The following LRP1B variants were observed in gnomAD, a reference collection of about 807,000 sequenced individuals.
The protein encoded by LRP1B is low-density lipoprotein receptor-related protein 1B.
In LRP1B, 217 loss-of-function variants were observed where a neutral mutation model predicts 556.6. The observed-to-expected ratio is 0.39, with a 90% CI of 0.35 to 0.44. The LOEUF (loss-of-function observed/expected upper bound fraction) is 0.44. Ranked by LOEUF, LRP1B falls within the 20% of genes least tolerant of loss-of-function variation. The pLI is 1.00. For synonymous variants in LRP1B, 2,047 were observed against 1,865.8 expected, an observed-to-expected ratio of 1.10 and a Z score of -2.50; for missense variants, 5,053 against 5,620.8, an observed-to-expected ratio of 0.90 and a Z score of 3.23.
chr2:140,865,727 G>T (rs1692929613), intron 27 of LRP1B, among the ~76,000 whole-genome samples: 1 of 151,956 alleles, frequency 6.6e-6, no homozygotes, highest in African/African-American at 2.4e-5. Context: ...TAGAATATTT[G>T]CCCTGAATCC....
intron 71 of LRP1B, among the ~76,000 whole-genome samples, chr2:140,365,768 C>T (rs114346577): frequency 0.021 from 3,178 of 151,636 alleles, 40 homozygotes; most frequent in African/African-American, 0.03. Flanking sequence ...CTCATGTATA[C>T]GTAAGAGATA....
At chr2:141,589,276 A>G (rs1687248589) in intron 2 of LRP1B, among the ~76,000 whole-genome samples, 1 of 152,154 alleles carries the variant, frequency 6.6e-6, no homozygotes, top group South Asian at 2.1e-4. Context: ...TTTTCTTAAA[A>G]CTGATCAAAC....
rs2104916898 is a variant in LRP1B, at chr2:140,509,949, C to T, written c.8377G>A (p.Glu2793Lys). ...ATACCGCAGCCTGCTGTGGAAAGCTCATCGCTTCCATCTGGACAGTCCCTT... is the reference window on the plus strand; with the variant it reads ...ATACCGCAGCCTGCTGTGGAAAGCTTATCGCTTCCATCTGGACAGTCCCTT... ...GERDCPDGSD[E>K]LSTAGCAPNN... The change falls in exon 52 of 91, where the codon GAG (glutamate) becomes AAG (lysine). Residue 2793 changes from glutamate (E) to lysine (K), a missense_variant. Coordinates refer to ENST00000389484, the MANE Select transcript of LRP1B (RefSeq NM_018557.3). 6.2e-7 allele frequency: 1 copy of T among 1,613,870 alleles called. No homozygotes were observed. Among genetic ancestry groups the T allele is most frequent in the Non-Finnish European group, 8.5e-7 (1 of 1,179,992 alleles).
chr2:141,783,796 T>C (rs973782973), intron 2 of LRP1B, among the ~76,000 whole-genome samples: 2 of 151,828 alleles, frequency 1.3e-5, no homozygotes, highest in African/African-American at 4.8e-5. Flanking sequence ...GGTACTAAAA[T>C]GAAAAACATT....
chr2:140,879,380 T>A (rs1319112339), intron 25 of LRP1B, among the ~76,000 whole-genome samples: 2 of 152,168 alleles, frequency 1.3e-5, no homozygotes, highest in Non-Finnish European at 2.9e-5. Context: ...AAATAAGTGA[T>A]CCCTTCATTT....
chr2:140,532,764 G>A (rs1690756186), intron 47 of LRP1B, among the ~76,000 whole-genome samples: 1 of 151,622 alleles, frequency 6.6e-6, no homozygotes, highest in Non-Finnish European at 1.5e-5. Context: ...AGTTTCAATG[G>A]TAGTCCCTCT....
At chr2:141,194,443 T>TA (rs994647100) in intron 6 of LRP1B, among the ~76,000 whole-genome samples, 1 of 152,212 alleles carries the variant, frequency 6.6e-6, no homozygotes, top group Non-Finnish European at 1.5e-5. Flanking sequence ...TACACCTACC[T>TA]AAAAAAGGCA....
intron 3 of LRP1B, among the ~76,000 whole-genome samples, chr2:141,430,199 A>C (rs983705385): frequency 2.6e-5 from 4 of 152,202 alleles, no homozygotes; most frequent in Non-Finnish European, 5.9e-5. Context: ...CTCAAAAGTC[A>C]CTGGAACTGT....
chr2:141,770,974 T>C (rs1448603958), intron 2 of LRP1B, among the ~76,000 whole-genome samples: 1 of 152,234 alleles, frequency 6.6e-6, no homozygotes, highest in Non-Finnish European at 1.5e-5. Flanking sequence ...ATAAACAGAA[T>C]GAAATTCTGA....
chr2:140,562,198 T>C (rs983488666), intron 43 of LRP1B, among the ~76,000 whole-genome samples: 2 of 152,196 alleles, frequency 1.3e-5, no homozygotes, highest in African/African-American at 2.4e-5. Flanking sequence ...AGTGACTTTA[T>C]CTTATATAAA....
At chr2:141,294,892 T>G (rs1370600116) in intron 3 of LRP1B, among the ~76,000 whole-genome samples, 2 of 152,104 alleles carry the variant, frequency 1.3e-5, no homozygotes, top group African/African-American at 4.8e-5. Context: ...TAATTTTAAA[T>G]TATATTTGTT....
chr2:140,264,290 G>A (rs539764998), intron 86 of LRP1B, among the ~76,000 whole-genome samples: 10 of 151,950 alleles, frequency 6.6e-5, no homozygotes, highest in East Asian at 1.9e-4. Flanking sequence ...GTGCAATGGC[G>A]CAGTCTCAGC....
At chr2:140,419,957 G>A (rs1476363425) in intron 66 of LRP1B, among the ~76,000 whole-genome samples, 2 of 148,940 alleles carry the variant, frequency 1.3e-5, no homozygotes, top group East Asian at 2.0e-4. Context: ...GCAGTGAGCT[G>A]AGATCATGCC....
chr2:141,248,269 G>A (rs1021759226), intron 4 of LRP1B, among the ~76,000 whole-genome samples: 31 of 152,126 alleles, frequency 2.0e-4, no homozygotes, highest in Non-Finnish European at 8.8e-5. Flanking sequence ...TTTTATGTAC[G>A]AAGCACTGTA....
chr2:141,627,449 G>T (rs1026395982), intron 2 of LRP1B, among the ~76,000 whole-genome samples: 3 of 152,148 alleles, frequency 2.0e-5, no homozygotes, highest in Non-Finnish European at 4.4e-5. Flanking sequence ...CTCCTCTGTG[G>T]CCTGTTAGGA....
chr2:140,613,004 T>C (rs2105229346), intron 41 of LRP1B, among the ~76,000 whole-genome samples: 1 of 151,854 alleles, frequency 6.6e-6, no homozygotes, highest in Admixed American at 6.6e-5. Flanking sequence ...TTTTTTTTCT[T>C]TTCTTCCTAT....
chr2:141,922,665 A>T (rs895095712), intron 1 of LRP1B, among the ~76,000 whole-genome samples: 2 of 152,178 alleles, frequency 1.3e-5, no homozygotes, highest in Non-Finnish European at 2.9e-5. Context: ...GGAATTGAGG[A>T]GTTCCAGGTG....
At chr2:140,664,109 C>T (rs146189210) in intron 41 of LRP1B, among the ~76,000 whole-genome samples, 89 of 152,152 alleles carry the variant, frequency 5.8e-4, no homozygotes, top group African/African-American at 1.9e-3. Flanking sequence ...TTTGTGGTGC[C>T]TCAAAATGGT....
intron 2 of LRP1B, among the ~76,000 whole-genome samples, chr2:141,514,661 A>G (rs1347071086): frequency 1.3e-5 from 2 of 152,200 alleles, no homozygotes; most frequent in African/African-American, 4.8e-5. Flanking sequence ...TGAAAATATT[A>G]TAAGTCAAAA....
Sources: allele counts gnomAD v4.1 joint callset (sites outside exome capture counted in the v4.1 genomes callset), GRCh38; gene constraint gnomAD v4.1.1; transcripts MANE v1.5; gene names NCBI Gene and HGNC (gene_info 2026-07-23, HGNC 2026-07-21).